Variants in TBXAS1 observed in about 807,000 individuals in gnomAD.
TBXAS1 encodes thromboxane-A synthase.
A neutral mutation model predicts 60.7 loss-of-function variants in TBXAS1; 48 were observed. The ratio of observed to expected loss-of-function variants is 0.79; its 90% confidence interval spans 0.63 to 1.01. The LOEUF (loss-of-function observed/expected upper bound fraction) is 1.01. TBXAS1 is among the 50% of genes least tolerant of loss of function. The probability of loss-of-function intolerance (pLI) is 0.00; values close to 1 mark genes in which losing one functional copy is unlikely to be tolerated. For synonymous variants in TBXAS1, 287 were observed against 269.7 expected (o/e 1.06, Z -0.63); for missense variants, 685 against 686.3 (o/e 1.00, Z 0.02).
At chr7:139,815,790 A>C (rs1585546897) in intron 4 of TBXAS1, among the ~76,000 whole-genome samples, 1 of 152,102 alleles carries the variant, frequency 6.6e-6, no homozygotes, top group Admixed American at 6.5e-5. Flanking sequence ...GGAAGAGGAA[A>C]CCCCCAGGCA....
At chr7:139,816,924 G>T (rs1048832074) in intron 4 of TBXAS1, among the ~76,000 whole-genome samples, 1 of 152,144 alleles carries the variant, frequency 6.6e-6, no homozygotes, top group Non-Finnish European at 1.5e-5. Flanking sequence ...CTAGTCACCT[G>T]TGAGCTGCGT....
chr7:139,982,229 GTTA>G (rs1338586040), intron 9 of TBXAS1, among the ~76,000 whole-genome samples: 1 of 152,136 alleles, frequency 6.6e-6, no homozygotes, highest in Non-Finnish European at 1.5e-5. Context: ...TAACTGAATG[GTTA>G]TATTAATATT....
chr7:139,850,045 C>G (rs1362447540), intron 1 of TBXAS1, among the ~76,000 whole-genome samples: 6 of 152,180 alleles, frequency 3.9e-5, no homozygotes, highest in Non-Finnish European at 7.3e-5. Context: ...CGGAAACCAC[C>G]CTTTGGTGCT....
chr7:139,875,789 T>A (rs1802187855), intron 3 of TBXAS1, 152 bp downstream of exon 3: 1 of 1,009,852 alleles, frequency 9.9e-7, no homozygotes, highest in Non-Finnish European at 1.5e-6. Flanking sequence ...AAAGAGGGAG[T>A]CCTGCAGTAC....
At chr7:139,952,385 T>G (rs1217419478) in intron 5 of TBXAS1, among the ~76,000 whole-genome samples, 2 of 152,230 alleles carry the variant, frequency 1.3e-5, no homozygotes, top group Non-Finnish European at 2.9e-5. Context: ...CTCTCTGACC[T>G]CGAGAACTCA....
At chr7:139,899,095 T>C (rs1365111358) in intron 3 of TBXAS1, among the ~76,000 whole-genome samples, 1 of 151,918 alleles carries the variant, frequency 6.6e-6, no homozygotes, top group Non-Finnish European at 1.5e-5. Flanking sequence ...AAAAGGACAG[T>C]GCCCCATAAT....
intron 4 of TBXAS1, among the ~76,000 whole-genome samples, chr7:139,791,808 GTT>G (rs10617891): frequency 0.14 from 9,782 of 70,470 alleles, 1,085 homozygotes; most frequent in African/African-American, 0.28. Flanking sequence ...GGAATGTTTT[GTT>G]TTTTTTTTTT....
upstream of TBXAS1, chr7:139,829,125 A>G (rs1424572165): frequency 3.5e-6 from 2 of 572,266 alleles, no homozygotes; most frequent in Non-Finnish European, 6.5e-6. Flanking sequence ...GGAAGTTAAT[A>G]TAAATGTTTA....
At chr7:139,905,033 TTC>T (rs1161056989) in intron 3 of TBXAS1, among the ~76,000 whole-genome samples, 33 of 86,650 alleles carry the variant, frequency 3.8e-4, no homozygotes, top group African/African-American at 1.9e-3. Context: ...CTTTCTTTCT[TTC>T]TTTCTTTCTT....
chr7:139,893,857 T>G (rs1329428206), intron 3 of TBXAS1, among the ~76,000 whole-genome samples: 1 of 152,222 alleles, frequency 6.6e-6, no homozygotes, highest in East Asian at 1.9e-4. Flanking sequence ...GTGGGTATAT[T>G]CAATAGAGTA....
At chr7:140,007,277 A>G in intron 10 of TBXAS1, 95 bp downstream of exon 10, 1 of 1,158,380 alleles carries the variant, frequency 8.6e-7, no homozygotes, top group Non-Finnish European at 1.3e-6. Flanking sequence ...ATCAGTTACC[A>G]CTTGTGTTTC....
chr7:139,803,563 G>A (rs927826368), intron 4 of TBXAS1, among the ~76,000 whole-genome samples: 7 of 152,162 alleles, frequency 4.6e-5, no homozygotes, highest in South Asian at 4.1e-4. Flanking sequence ...AGACAATGGG[G>A]AAAATGTCTC....
chr7:139,954,261 T>C (rs553476802), intron 6 of TBXAS1, among the ~76,000 whole-genome samples: 9 of 152,356 alleles, frequency 5.9e-5, no homozygotes, highest in African/African-American at 2.2e-4. Flanking sequence ...ACACTGGTAT[T>C]GCACCAGTTT....
chr7:139,920,632 G>A (rs549958217), intron 4 of TBXAS1, among the ~76,000 whole-genome samples: 1 of 152,346 alleles, frequency 6.6e-6, no homozygotes, highest in African/African-American at 2.4e-5. Flanking sequence ...GCAACGTGTG[G>A]TCATCAAAGG....
intron 4 of TBXAS1, among the ~76,000 whole-genome samples, chr7:139,804,880 A>T (rs1277290425): frequency 6.6e-6 from 1 of 152,236 alleles, no homozygotes; most frequent in East Asian, 1.9e-4. Context: ...GTATTTCTTC[A>T]TAGCAGTATG....
upstream of TBXAS1, among the ~76,000 whole-genome samples, chr7:139,826,144 C>T (rs191111544): frequency 3.3e-5 from 5 of 152,262 alleles, no homozygotes; most frequent in Admixed American, 2.0e-4. Context: ...TCCATGCTGC[C>T]GGGCCATCAT....
chr7:139,913,486 G>T, intron 4 of TBXAS1: 1 of 290,762 alleles, frequency 3.4e-6, no homozygotes, highest in Non-Finnish European at 6.8e-6. Flanking sequence ...TTGCCAACTG[G>T]TGTCTCCATA....
intron 2 of TBXAS1, among the ~76,000 whole-genome samples, chr7:139,873,921 T>C (rs940911341): frequency 6.6e-6 from 1 of 152,112 alleles, no homozygotes; most frequent in Non-Finnish European, 1.5e-5. Context: ...ATAATATCCC[T>C]TCAACATCTC....
chr7:139,915,637 C>A (rs1324585149), intron 4 of TBXAS1, among the ~76,000 whole-genome samples: 1 of 152,142 alleles, frequency 6.6e-6, no homozygotes, highest in Non-Finnish European at 1.5e-5. Flanking sequence ...GGATTTAGCT[C>A]TGAAATTTGA....
Sources: allele counts gnomAD v4.1 joint callset (sites outside exome capture counted in the v4.1 genomes callset), GRCh38; gene constraint gnomAD v4.1.1; transcripts MANE v1.5; gene names NCBI Gene and HGNC (gene_info 2026-07-23, HGNC 2026-07-21).